Variants in PLEKHG5 observed in about 807,000 individuals in gnomAD.
PLEKHG5 encodes pleckstrin homology and RhoGEF domain containing G5, also known as pleckstrin homology domain-containing family G member 5.
PLEKHG5 carries 52 observed loss-of-function variants against 103.8 expected under a neutral mutation model. That is an observed-to-expected ratio of 0.50 (90% CI 0.40 to 0.63). The LOEUF is 0.63. PLEKHG5 is among the 30% of genes least tolerant of loss of function. The pLI is 0.00. For synonymous variants in PLEKHG5, 592 were observed against 575.5 expected (o/e 1.03, Z -0.41); for missense variants, 1,205 against 1,347.6 (o/e 0.89, Z 1.66).
chr1:6,518,241 C>T (rs1263944638), intron 1 of PLEKHG5, among the ~76,000 whole-genome samples: 1 of 150,622 alleles, frequency 6.6e-6, no homozygotes, highest in Non-Finnish European at 1.5e-5. Flanking sequence ...CGTGTCATGG[C>T]GGATATTAAA....
intron 1 of PLEKHG5, among the ~76,000 whole-genome samples, chr1:6,510,419 C>T (rs1026348629): frequency 1.1e-4 from 16 of 151,982 alleles, no homozygotes; most frequent in African/African-American, 2.7e-4. Flanking sequence ...GATGAAACCC[C>T]GTCTCTACTA....
chr1:6,497,323 T>C (rs778451371), upstream of PLEKHG5: 38 of 1,155,016 alleles, frequency 3.3e-5, 1 homozygote, highest in South Asian at 4.8e-4. This position sits in a 1 kb window ranked among gnomAD's most constrained non-coding sequence, Gnocchi z 6.1. Context: ...CACTCACCCA[T>C]GGAGCAGGCC....
upstream of PLEKHG5, among the ~76,000 whole-genome samples, chr1:6,499,182 G>A (rs1011644966): frequency 6.6e-6 from 1 of 152,216 alleles, no homozygotes; most frequent in African/African-American, 2.4e-5. Flanking sequence ...CAGGGCCTCT[G>A]GATTGTAGCC....
chr1:6,516,104 AC>A (rs980678972), intron 1 of PLEKHG5, among the ~76,000 whole-genome samples: 2 of 152,188 alleles, frequency 1.3e-5, no homozygotes, highest in African/African-American at 4.8e-5. Context: ...AGACACAGAC[AC>A]AAGAATGTCC....
chr1:6,497,312 G>A (rs1206407853), upstream of PLEKHG5: 3 of 1,136,162 alleles, frequency 2.6e-6, no homozygotes, highest in East Asian at 5.7e-5. The surrounding 1 kb of genome is among the most constrained non-coding windows in gnomAD (Gnocchi z 6.1). Context: ...GTCCCCGCCT[G>A]CACTCACCCA....
rs1645048586 is a variant in PLEKHG5, at chr1:6,486,796, C to T, written c.-88+4841G>A. On this transcript the variant is annotated intron_variant, in intron 1 of 20. Coordinates refer to ENST00000377728, the MANE Select transcript of PLEKHG5 (RefSeq NM_020631.6). The surrounding 1 kb of genome is among the most constrained non-coding windows in gnomAD (Gnocchi z 5.3). ...ATTCACGGCGTGGGGGATAAAGTGACATAAAGAGACAAAAGTCTACAGGCA... is the reference window on the plus strand; with the variant it reads ...ATTCACGGCGTGGGGGATAAAGTGATATAAAGAGACAAAAGTCTACAGGCA... Among the ~76,000 whole-genome samples, 1 of 152,224 alleles carries T rather than the reference C, an allele frequency of 6.6e-6. No individual in the cohort carries two copies. Among genetic ancestry groups the T allele is most frequent in the Non-Finnish European group, 1.5e-5 (1 of 68,040 alleles).
At chr1:6,488,189 GT>G (rs1385752556) in intron 1 of PLEKHG5, among the ~76,000 whole-genome samples, 1 of 152,206 alleles carries the variant, frequency 6.6e-6, no homozygotes, top group Non-Finnish European at 1.5e-5. Context: ...CCACCCCATC[GT>G]GGGAGTTCCA....
In PLEKHG5 at chr1:6,486,051, A is replaced by G. The variant is rs887012994; in HGVS notation, c.-88+5586T>C. 2.2e-4 allele frequency: 49 copies of G among 225,940 alleles called. No individual in the cohort carries two copies. Among genetic ancestry groups the G allele is most frequent in the African/African-American group, 1.4e-3 (49 of 35,198 alleles). 14.0% of individuals were successfully genotyped at this position (225,940 alleles called of 1,614,324 possible). A position where few individuals can be genotyped will look rare whatever the true frequency, so the allele number is the denominator to read the frequency against. On this transcript the variant is annotated intron_variant, in intron 1 of 20. Coordinates refer to ENST00000377728, the MANE Select transcript of PLEKHG5 (RefSeq NM_020631.6). The surrounding 1 kb of genome is among the most constrained non-coding windows in gnomAD (Gnocchi z 5.3). ...TCCCCGCCCAGCCCTGGGGGTGCCC[A>G]CTCTGCTGTGGTCCCCACCTCACCC...
chr1:6,496,969 G>T (rs1344782296), upstream of PLEKHG5: 1 of 1,528,766 alleles, frequency 6.5e-7, no homozygotes, highest in Non-Finnish European at 8.7e-7. Context: ...GCCCTGCATC[G>T]CTCCCTTTAG....
upstream of PLEKHG5, among the ~76,000 whole-genome samples, chr1:6,499,743 A>C (rs1645275263): frequency 6.6e-6 from 1 of 152,066 alleles, no homozygotes. Flanking sequence ...AGGGGGACAT[A>C]CTGTATCAGG....
chr1:6,516,737 A>G (rs1381401962), intron 1 of PLEKHG5, among the ~76,000 whole-genome samples: 2 of 128,788 alleles, frequency 1.6e-5, no homozygotes, highest in African/African-American at 6.1e-5. Flanking sequence ...ATATGTGTGT[A>G]TATATATGTG....
At chr1:6,485,147 C>T (rs537079358) in intron 1 of PLEKHG5, among the ~76,000 whole-genome samples, 16 of 152,304 alleles carry the variant, frequency 1.1e-4, no homozygotes, top group African/African-American at 3.8e-4. Flanking sequence ...AGGTCCCCGT[C>T]ACCAGGGTGC....
Position 6,470,664 on chromosome 1 carries a change from T to C in PLEKHG5, c.1543-21A>G, listed in dbSNP as rs201482043. Reference sequence around the variant, plus strand: ...CCGATCTAGGGGCAGGTGAGGGAGCTTCAGGTCCAGGGTCATGACGGAGCA... The same window carrying C: ...CCGATCTAGGGGCAGGTGAGGGAGCCTCAGGTCCAGGGTCATGACGGAGCA... On this transcript the variant is annotated intron_variant, in intron 14 of 20. Coordinates refer to ENST00000377728, the MANE Select transcript of PLEKHG5 (RefSeq NM_020631.6). The C allele has an allele frequency of 4.7e-3, 7,318 of 1,559,194 alleles. 29 individuals carry two copies. Among genetic ancestry groups the C allele is most frequent in the Non-Finnish European group, 5.0e-3 (5,792 of 1,157,168 alleles).
At position 6,468,247 on chromosome 1, in the gene PLEKHG5, A is replaced by G. The variant is rs1403455218; in HGVS notation, c.2589T>C (p.Pro863=). ...GGGGCGGGCAGCTCAACAGCTGGAC[A>G]GGGGTGCGGCGGCGGAGACGGGGCG... is the stretch of plus-strand genomic sequence containing the variant. ...PPSPRLRRRT[P]VQLLSCPPHL... is the part of the protein sequence containing the mutation. Residue 863 remains proline, a synonymous_variant, in exon 20 of 21, where the codon CCT becomes CCC. Transcript: ENST00000377728. The G allele has an allele frequency of 5.0e-6, 8 of 1,600,392 alleles. No homozygotes were observed. Among genetic ancestry groups the G allele is most frequent in the Non-Finnish European group, 6.8e-6 (8 of 1,171,378 alleles).
chr1:6,518,418 G>T (rs1638686872), intron 1 of PLEKHG5, among the ~76,000 whole-genome samples: 1 of 151,498 alleles, frequency 6.6e-6, no homozygotes, highest in African/African-American at 2.4e-5. Context: ...AAATGAGCCG[G>T]GCTTGATGGC....
At chr1:6,480,218 AC>A (rs1357634129) in intron 1 of PLEKHG5, among the ~76,000 whole-genome samples, 18 of 151,696 alleles carry the variant, frequency 1.2e-4, no homozygotes, top group African/African-American at 4.4e-4. Flanking sequence ...ACATGACAAA[AC>A]CCCATCTCTA....
At chr1:6,496,398 A>G (rs1645224648), upstream of PLEKHG5, 1 of 984,022 alleles carries the variant, frequency 1.0e-6, no homozygotes, top group Non-Finnish European at 1.6e-6. Flanking sequence ...CGCCCGTGCC[A>G]GGGCTCTGTG....
chr1:6,467,373 G>T lies in PLEKHG5; in HGVS notation c.*190C>A. ...CTGCCTGGGCAGGTGGGGTGGTACT[G>T]TGGCCTGGGCCTCCTCCACTCCATC... On this transcript the variant is annotated 3_prime_UTR_variant, in exon 21 of 21. Transcript: ENST00000377728. The T allele has an allele frequency of 1.4e-6, 1 of 736,054 alleles. No homozygotes were observed. 45.6% of individuals were successfully genotyped at this position (736,054 alleles called of 1,614,324 possible).
upstream of PLEKHG5, chr1:6,497,315 C>T (rs1230550437): frequency 6.9e-6 from 8 of 1,166,458 alleles, no homozygotes; most frequent in Non-Finnish European, 9.6e-6. The surrounding 1 kb of genome is among the most constrained non-coding windows in gnomAD (Gnocchi z 6.1). Flanking sequence ...CCCGCCTGCA[C>T]TCACCCATGG....
Sources: gnomAD v4.1 joint callset for allele counts (sites outside exome capture counted in the v4.1 genomes callset) on GRCh38, gnomAD v4.1.1 for gene constraint, Gnocchi (gnomAD v3.1) non-coding constraint, MANE v1.5 for transcripts, NCBI Gene and HGNC (gene_info 2026-07-23, HGNC 2026-07-21) for gene names.